The following TAF12 variants were observed in gnomAD, a reference collection of about 807,000 sequenced individuals.
The protein encoded by TAF12 is TATA-box binding protein associated factor 12, also known as transcription initiation factor TFIID subunit 12.
TAF12 carries 3 observed loss-of-function variants against 20.8 expected under a neutral mutation model. The ratio of observed to expected loss-of-function variants is 0.14; its 90% CI spans 0.07 to 0.37. The LOEUF (loss-of-function observed/expected upper bound fraction) is 0.37. Among genes scored for constraint, TAF12 ranks in the 10% least tolerant of loss-of-function variants. TAF12 has a pLI of 1.00. For synonymous variants in TAF12, 69 were observed against 70.2 expected (o/e 0.98, Z 0.09); for missense variants, 131 against 197.9 (o/e 0.66, Z 2.03).
chr1:28,644,461 C>CT (rs1668134456), upstream of TAF12, among the ~76,000 whole-genome samples: 1 of 152,184 alleles, frequency 6.6e-6, no homozygotes, highest in Admixed American at 6.5e-5. Flanking sequence ...GCCTATACAT[C>CT]TTTTTTAAGA....
chr1:28,633,641 T>G (rs1255527241), intron 1 of TAF12, among the ~76,000 whole-genome samples: 1 of 148,808 alleles, frequency 6.7e-6, no homozygotes, highest in Non-Finnish European at 1.5e-5. Flanking sequence ...GCCGGGTATG[T>G]TGGCTCACAC....
At chr1:28,627,685 A>AC (rs1375321397) in intron 1 of TAF12, among the ~76,000 whole-genome samples, 4 of 150,820 alleles carry the variant, frequency 2.7e-5, no homozygotes, top group East Asian at 3.9e-4. Flanking sequence ...AAAAAAAAAA[A>AC]AACTAAAAAA....
At chr1:28,630,711 T>G (rs183368089) in intron 1 of TAF12, among the ~76,000 whole-genome samples, 1 of 151,942 alleles carries the variant, frequency 6.6e-6, no homozygotes, top group African/African-American at 2.4e-5. Context: ...TAAAGTGGAC[T>G]TAATCAAAAT....
At chr1:28,646,686 C>T (rs576660839), upstream of TAF12, among the ~76,000 whole-genome samples, 1 of 150,402 alleles carries the variant, frequency 6.6e-6, no homozygotes, top group Admixed American at 6.7e-5. Context: ...CCTGCCACCA[C>T]ACTCGGCCAA....
intron 3 of TAF12, among the ~76,000 whole-genome samples, chr1:28,615,858 A>C (rs1301629030): frequency 6.6e-6 from 1 of 152,168 alleles, no homozygotes; most frequent in Non-Finnish European, 1.5e-5. Context: ...CTCTGAAGTA[A>C]AGTCTTGTGG....
At chr1:28,638,400 G>T (rs1232447282) in intron 1 of TAF12, among the ~76,000 whole-genome samples, 1 of 151,762 alleles carries the variant, frequency 6.6e-6, no homozygotes, top group African/African-American at 2.4e-5. Flanking sequence ...TGTTGGTCAG[G>T]CTGGTCTCGA....
At chr1:28,611,600 G>A (rs1183470676) in intron 4 of TAF12, among the ~76,000 whole-genome samples, 1 of 152,016 alleles carries the variant, frequency 6.6e-6, no homozygotes. Flanking sequence ...GCAAAGCCTG[G>A]ATTTCTGTAG....
chr1:28,642,293 G>C (rs1668062183), intron 1 of TAF12, among the ~76,000 whole-genome samples: 1 of 152,104 alleles, frequency 6.6e-6, no homozygotes, highest in Non-Finnish European at 1.5e-5. Context: ...TATCTCTCTG[G>C]GTTCAGGGAA....
chr1:28,605,644 A>G (rs540644357), intron 4 of TAF12, among the ~76,000 whole-genome samples, 184 bp from the exon 5 acceptor site: 2 of 151,994 alleles, frequency 1.3e-5, no homozygotes, highest in East Asian at 3.9e-4. Flanking sequence ...TTTTTTGGAG[A>G]CAGGGTCTTC....
chr1:28,622,244 G>T, intron 1 of TAF12, 79 bp from the exon 2 acceptor site: 1 of 1,338,984 alleles, frequency 7.5e-7, no homozygotes, highest in Non-Finnish European at 9.6e-7. Flanking sequence ...AAGAGGCCTG[G>T]TGCAATGGCT....
At chr1:28,618,770 A>G (rs1301421213) in intron 2 of TAF12, among the ~76,000 whole-genome samples, 3 of 151,782 alleles carry the variant, frequency 2.0e-5, no homozygotes, top group Non-Finnish European at 2.9e-5. Context: ...TATCCTGTGT[A>G]CCCTTTATCA....
intron 1 of TAF12, among the ~76,000 whole-genome samples, chr1:28,624,592 C>T (rs1667320807): frequency 6.6e-6 from 1 of 151,674 alleles, no homozygotes; most frequent in Admixed American, 6.6e-5. Context: ...ACTAAAAATA[C>T]AAAAACTAGC....
intron 2 of TAF12, among the ~76,000 whole-genome samples, chr1:28,619,371 G>A (rs1226103816): frequency 1.7e-4 from 25 of 150,694 alleles, no homozygotes; most frequent in African/African-American, 5.6e-4. Context: ...GGTGGCGGGC[G>A]CCTGTAGTCC....
chr1:28,610,396 A>T (rs1415350793), intron 4 of TAF12, among the ~76,000 whole-genome samples: 1 of 152,090 alleles, frequency 6.6e-6, no homozygotes, highest in African/African-American at 2.4e-5. Context: ...GGCTCAAGTG[A>T]TCCTCCTGTC....
rs990664733 is a variant in TAF12 at position 28,642,995 on chromosome 1, C to A, written c.-88G>T. 2.9e-5 allele frequency: 29 copies of A among 985,940 alleles called. No homozygotes were observed. The highest frequency in any genetic ancestry group is 7.0e-5 in the African/African-American group (4 of 57,264). The allele number at this position is 985,940 out of a possible 1,614,324, so 61.1% of individuals were successfully genotyped here. On this transcript the variant is annotated 5_prime_UTR_variant, in exon 1 of 6. Coordinates refer to ENST00000373824, the MANE Select transcript of TAF12 (RefSeq NM_005644.4). ...ACTGCCAGGGCCCAAGACTCACAGG[C>A]AGCAGCGTCTATCTCCCCATGATAT...
intron 5 of TAF12, 63 bp downstream of exon 5, chr1:28,605,309 C>G: frequency 6.5e-7 from 1 of 1,549,436 alleles, no homozygotes; most frequent in Non-Finnish European, 8.9e-7. Context: ...TGTGTGTATC[C>G]ACTCTGAGAC....
intron 1 of TAF12, among the ~76,000 whole-genome samples, chr1:28,639,070 C>T (rs373884804): frequency 6.6e-5 from 10 of 151,782 alleles, no homozygotes; most frequent in South Asian, 2.1e-4. Context: ...CCACCACGCC[C>T]GGCTGGCCTA....
At chr1:28,630,576 T>G (rs1486071961) in intron 1 of TAF12, among the ~76,000 whole-genome samples, 3 of 151,190 alleles carry the variant, frequency 2.0e-5, no homozygotes, top group Non-Finnish European at 4.4e-5. Flanking sequence ...TCAAAACTGA[T>G]CATATACCTA....
intron 1 of TAF12, among the ~76,000 whole-genome samples, chr1:28,636,236 G>A (rs916463377): frequency 1.3e-5 from 2 of 152,192 alleles, no homozygotes; most frequent in East Asian, 1.9e-4. Flanking sequence ...GGGACCCCAC[G>A]TCTGTAATCC....
Sources: gnomAD v4.1 joint callset for allele counts (sites outside exome capture counted in the v4.1 genomes callset) on GRCh38, gnomAD v4.1.1 for gene constraint, MANE v1.5 for transcripts, NCBI Gene and HGNC (gene_info 2026-07-23, HGNC 2026-07-21) for gene names.